The following CNTNAP3B variants were observed in gnomAD, a reference collection of about 807,000 sequenced individuals.
The protein encoded by CNTNAP3B is contactin associated protein family member 3B.
Under a neutral mutation model 108.9 loss-of-function variants are expected in CNTNAP3B, and 25 were observed. The ratio of observed to expected loss-of-function variants is 0.23; its 90% CI spans 0.17 to 0.32. The LOEUF (loss-of-function observed/expected upper bound fraction) is 0.32. Among genes scored for constraint, CNTNAP3B ranks in the 10% least tolerant of loss-of-function variants. The probability of loss-of-function intolerance (pLI) is 1.00; values close to 1 mark genes in which losing one functional copy is unlikely to be tolerated. For missense variants in CNTNAP3B, 252 were observed against 1,210.4 expected (o/e 0.21, Z 11.75); for synonymous variants, 103 against 473.4 (o/e 0.22, Z 10.16).
Position 41,943,498 on chromosome 9 carries a change from G to A in CNTNAP3B, c.2081-5098C>T, listed in dbSNP as rs573649944. Among the ~76,000 whole-genome samples the A allele has an allele frequency of 5.1e-3, 773 of 151,846 alleles. 2 individuals are homozygous for A. The highest frequency in any genetic ancestry group is 7.6e-3 in the Non-Finnish European group (517 of 67,862). Reference sequence around the variant, plus strand: ...CTCCCGAGTAGCTGGGACTACAGGCGCCTGCCACCACGCCCAGCTAATTTT... The same window carrying A: ...CTCCCGAGTAGCTGGGACTACAGGCACCTGCCACCACGCCCAGCTAATTTT... On this transcript the variant is annotated intron_variant, in intron 13 of 23. Transcript: ENST00000377561.
intron 12 of CNTNAP3B, 70 bp from the exon 13 acceptor site, chr9:41,953,456 C>T (rs538628876): frequency 7.2e-6 from 11 of 1,517,268 alleles, no homozygotes; most frequent in Middle Eastern, 4.0e-4. Flanking sequence ...CAAAGCAGAC[C>T]TTTTATGTGA....
intron 15 of CNTNAP3B, among the ~76,000 whole-genome samples, chr9:41,928,061 A>G (rs1314580208): frequency 2.0e-5 from 3 of 152,216 alleles, no homozygotes; most frequent in African/African-American, 7.2e-5. Context: ...TAACAGAATA[A>G]TTAACGCTAA....
chr9:41,968,723 G>T (rs1313358481), intron 10 of CNTNAP3B, among the ~76,000 whole-genome samples: 7 of 143,960 alleles, frequency 4.9e-5, no homozygotes, highest in African/African-American at 1.1e-4. Flanking sequence ...TACAGTTAAT[G>T]TTTAAAACAG....
At chr9:41,967,830 T>G (rs1291628898) in intron 10 of CNTNAP3B, among the ~76,000 whole-genome samples, 1 of 152,278 alleles carries the variant, frequency 6.6e-6, no homozygotes, top group Non-Finnish European at 1.5e-5. Context: ...GTAGCCCTAT[T>G]TGAAAATAAT....
At chr9:41,983,999 C>T (rs1825681446) in intron 9 of CNTNAP3B, among the ~76,000 whole-genome samples, 1 of 97,264 alleles carries the variant, frequency 1.0e-5, no homozygotes, top group Admixed American at 1.1e-4. Flanking sequence ...TGCAGTGAGC[C>T]GAGATCGCGC....
At chr9:41,935,261 C>T (rs935566867) in intron 14 of CNTNAP3B, among the ~76,000 whole-genome samples, 9 of 152,304 alleles carry the variant, frequency 5.9e-5, no homozygotes, top group South Asian at 2.1e-4. Context: ...TATGCTTAGA[C>T]GAGTTGCTGA....
chr9:41,973,052 C>T (rs1825452518), intron 9 of CNTNAP3B, among the ~76,000 whole-genome samples: 1 of 138,422 alleles, frequency 7.2e-6, no homozygotes, highest in Non-Finnish European at 1.5e-5. Context: ...ATTCTCCTGC[C>T]TCAGCCTCCC....
intron 10 of CNTNAP3B, among the ~76,000 whole-genome samples, chr9:41,967,312 T>A (rs1160126368): frequency 8.5e-5 from 13 of 152,366 alleles, no homozygotes; most frequent in African/African-American, 3.1e-4. Flanking sequence ...AGTGAATAAG[T>A]CTCACGAGAT....
intron 13 of CNTNAP3B, among the ~76,000 whole-genome samples, chr9:41,951,142 C>T (rs1220165308): frequency 1.0e-3 from 147 of 140,666 alleles, no homozygotes; most frequent in African/African-American, 3.5e-3. Context: ...CACTATACTT[C>T]TACAAGATGT....
At chr9:41,922,432 C>T (rs1242710509) in intron 17 of CNTNAP3B, among the ~76,000 whole-genome samples, 3 of 141,216 alleles carry the variant, frequency 2.1e-5, no homozygotes, top group African/African-American at 8.4e-5. Context: ...CACCACTGCA[C>T]TCCAGCCTGG....
intron 1 of CNTNAP3B, among the ~76,000 whole-genome samples, chr9:42,116,941 AT>A (rs1564199705): frequency 2.9e-5 from 4 of 139,710 alleles, no homozygotes; most frequent in Non-Finnish European, 6.1e-5. Flanking sequence ...CCATTACATA[AT>A]TGTAAAGGGA....
At chr9:42,113,785 T>G (rs1208702847) in intron 1 of CNTNAP3B, among the ~76,000 whole-genome samples, 1 of 139,010 alleles carries the variant, frequency 7.2e-6, no homozygotes, top group Non-Finnish European at 1.5e-5. Context: ...TTTAAATAAC[T>G]TAAAGAGTGT....
At chr9:41,955,369 C>T (rs1210657733) in intron 12 of CNTNAP3B, among the ~76,000 whole-genome samples, 2 of 152,312 alleles carry the variant, frequency 1.3e-5, no homozygotes, top group Admixed American at 1.3e-4. Flanking sequence ...TTATAAAATT[C>T]CACTTGACTC....
At chr9:41,935,366 C>A (rs1197745360) in intron 14 of CNTNAP3B, among the ~76,000 whole-genome samples, 17 of 152,356 alleles carry the variant, frequency 1.1e-4, no homozygotes, top group Non-Finnish European at 1.5e-5. Context: ...CTTAAAATAG[C>A]TTTCACTTTA....
intron 18 of CNTNAP3B, among the ~76,000 whole-genome samples, chr9:41,915,667 T>G (rs1823496707): frequency 6.9e-6 from 1 of 143,914 alleles, no homozygotes; most frequent in East Asian, 2.0e-4. Context: ...TTATTGAGTG[T>G]TTTTGTTTTT....
intron 14 of CNTNAP3B, among the ~76,000 whole-genome samples, chr9:41,932,392 T>C (rs1232843656): frequency 6.6e-6 from 1 of 151,956 alleles, no homozygotes; most frequent in African/African-American, 2.4e-5. Context: ...TGTGAAAACT[T>C]CTAAAAGCTA....
At chr9:41,955,865 T>C (rs1212047901) in intron 12 of CNTNAP3B, among the ~76,000 whole-genome samples, 3 of 152,276 alleles carry the variant, frequency 2.0e-5, no homozygotes, top group Non-Finnish European at 4.4e-5. Flanking sequence ...GTTCCTCAAT[T>C]TATGATGAAG....
intron 12 of CNTNAP3B, among the ~76,000 whole-genome samples, chr9:41,958,688 G>C (rs1443358563): frequency 6.7e-6 from 1 of 150,136 alleles, no homozygotes. Flanking sequence ...CTCCAGGCAG[G>C]TTAGGCTCTG....
intron 3 of CNTNAP3B, among the ~76,000 whole-genome samples, chr9:42,028,787 A>G (rs980321498): frequency 2.7e-5 from 4 of 150,404 alleles, no homozygotes; most frequent in African/African-American, 9.9e-5. Flanking sequence ...TTTATAAGAA[A>G]TATCAATTTT....
Sources: gnomAD v4.1 joint callset for allele counts (sites outside exome capture counted in the v4.1 genomes callset) on GRCh38, gnomAD v4.1.1 for gene constraint, MANE v1.5 for transcripts, NCBI Gene and HGNC (gene_info 2026-07-23, HGNC 2026-07-21) for gene names.